EHD4: variants seen among roughly 807,000 people sequenced by gnomAD.
The protein encoded by EHD4 is EH domain-containing protein 4.
EHD4 carries 37 observed loss-of-function variants against 51.0 expected under a neutral mutation model. The observed-to-expected ratio is 0.73, with a 90% confidence interval of 0.56 to 0.95. The LOEUF is 0.95. Among genes scored for constraint, EHD4 ranks in the 40% least tolerant of loss-of-function variants. The pLI is 0.00. For missense variants in EHD4, 632 were observed against 733.1 expected, an observed-to-expected ratio of 0.86 and a Z score of 1.59; for synonymous variants, 297 against 317.3, an observed-to-expected ratio of 0.94 and a Z score of 0.68.
In EHD4 at chr15:41,972,341, CA is replaced by C. The variant is rs1441868683; in HGVS notation, c.153del (p.Ala52ArgfsTer12). ...TTCTCGAAGTCGGCGTCCTCCAGCG[CA>C]GGCGAGTGGAACTCGTGGAAGCGGT... Reference protein sequence around the residue: ...EAYRFHEFHSPALEDADFENK... With the variant: ...EAYRFHEFHSXALEDADFENK... On this transcript the variant is annotated frameshift_variant, in exon 1 of 6. Coordinates refer to ENST00000220325, the MANE Select transcript of EHD4 (RefSeq NM_139265.4). LOFTEE classifies it high-confidence loss of function. The C allele has an allele frequency of 6.2e-7, 1 of 1,611,482 alleles. No homozygotes were observed. Among genetic ancestry groups the C allele is most frequent in the Non-Finnish European group, 8.5e-7 (1 of 1,178,880 alleles).
At chr15:41,952,874 C>A (rs966831922) in intron 2 of EHD4, among the ~76,000 whole-genome samples, 18 of 151,798 alleles carry the variant, frequency 1.2e-4, no homozygotes, top group African/African-American at 4.4e-4. Flanking sequence ...CCTGTAATCC[C>A]AGCTACTTGG....
At chr15:41,960,670 A>ATTTTTT (rs577281838) in intron 1 of EHD4, among the ~76,000 whole-genome samples, 2 of 127,910 alleles carry the variant, frequency 1.6e-5, no homozygotes, top group African/African-American at 2.9e-5. Context: ...CTTCACTTAC[A>ATTTTTT]TTTTTTTTTT....
At chr15:41,912,045 A>C (rs899042932) in intron 4 of EHD4, among the ~76,000 whole-genome samples, 10 of 151,988 alleles carry the variant, frequency 6.6e-5, no homozygotes, top group Non-Finnish European at 5.9e-5. Context: ...CCCTTCACCC[A>C]CTGAGTGTCA....
At chr15:41,909,411 C>T (rs1464991227) in intron 5 of EHD4, among the ~76,000 whole-genome samples, 3 of 152,232 alleles carry the variant, frequency 2.0e-5, no homozygotes, top group Non-Finnish European at 4.4e-5. Flanking sequence ...ATTCCAATGT[C>T]ACCGCAACAT....
At chr15:41,966,342 A>C (rs1363747155) in intron 1 of EHD4, among the ~76,000 whole-genome samples, 1 of 151,962 alleles carries the variant, frequency 6.6e-6, no homozygotes, top group Non-Finnish European at 1.5e-5. Flanking sequence ...GACACTACTG[A>C]CCACCACCTC....
At chr15:41,907,824 C>CTGTGTGTGTGTGTG (rs10522331) in intron 5 of EHD4, among the ~76,000 whole-genome samples, 49 of 132,112 alleles carry the variant, frequency 3.7e-4, no homozygotes, top group East Asian at 8.5e-4. Context: ...CGCCCAGGCT[C>CTGTGTGTGTGTGTG]TGTGTGTGTG....
chr15:41,914,288 G>A (rs913808778), intron 4 of EHD4, among the ~76,000 whole-genome samples: 2 of 152,164 alleles, frequency 1.3e-5, no homozygotes, highest in African/African-American at 2.4e-5. Context: ...GGAGACCTGC[G>A]GCTGGAAGCC....
chr15:41,907,047 G>C (rs768011245), intron 5 of EHD4, among the ~76,000 whole-genome samples: 1 of 152,152 alleles, frequency 6.6e-6, no homozygotes, highest in Non-Finnish European at 1.5e-5. Context: ...GCCCAGGCTA[G>C]CTTTGTCATG....
intron 4 of EHD4, among the ~76,000 whole-genome samples, chr15:41,915,475 G>A (rs2067577795): frequency 6.6e-6 from 1 of 152,184 alleles, no homozygotes; most frequent in African/African-American, 2.4e-5. Context: ...AGTGAACCTT[G>A]AAAATCACTG....
Position 41,900,691 on chromosome 15 carries a change from T to TG in EHD4, c.1579dup (p.His527ProfsTer58), listed in dbSNP as rs758354312. On this transcript the variant is annotated frameshift_variant, in exon 6 of 6. Transcript: ENST00000220325. LOFTEE classifies it high-confidence loss of function. The surrounding 1 kb of genome is among the most constrained non-coding windows in gnomAD (Gnocchi z 4.8). Reference sequence around the variant, plus strand: ...CTTCCTGTGCGAGGGGGGCACGAGGTGGGGGGGCAGGCTGCTGGGCAGCTC... The same window carrying TG: ...CTTCCTGTGCGAGGGGGGCACGAGGTGGGGGGGGCAGGCTGCTGGGCAGCTC... The TG allele has an allele frequency of 1.1e-5, 17 of 1,603,094 alleles. No homozygotes were observed. The highest frequency in any genetic ancestry group is 2.2e-5 in the South Asian group (2 of 90,926).
chr15:41,928,464 C>T (rs1054436522), intron 3 of EHD4: 11 of 152,174 alleles, frequency 7.2e-5, no homozygotes, highest in South Asian at 2.1e-4. Flanking sequence ...TGCTTTCACC[C>T]GCTGCGCTGC....
rs909781941 is a variant in EHD4 at position 41,919,302 on chromosome 15, C to T, written c.832G>A (p.Ala278Thr). 15 of 1,614,082 alleles carry T rather than the reference C, an allele frequency of 9.3e-6. No homozygotes were observed. The highest frequency in any genetic ancestry group is 1.1e-5 in the Non-Finnish European group (13 of 1,180,052). Residue 278 changes from alanine (A) to threonine (T), a missense_variant, in exon 4 of 6, where the codon GCC becomes ACC. By Grantham distance (58) the Ala-to-Thr change is moderately conservative. Transcript: ENST00000220325. ...TGGATGTCTCTAAAGAGGTCCTGGG[C>T]CTCAGCCTCGAAGAGCCGGCGGTTG... is the stretch of plus-strand genomic sequence containing the variant. ...TDNRRLFEAE[A>T]QDLFRDIQSL...
chr15:41,915,085 GACACAC>G (rs10552371), intron 4 of EHD4, among the ~76,000 whole-genome samples: 11,211 of 149,612 alleles, frequency 0.075, 543 homozygotes, highest in East Asian at 0.23. Flanking sequence ...CAGTCTTGGA[GACACAC>G]ACACACACAC....
chr15:41,949,406 A>G (rs2141002763), intron 2 of EHD4, among the ~76,000 whole-genome samples: 1 of 152,166 alleles, frequency 6.6e-6, no homozygotes, highest in East Asian at 1.9e-4. Flanking sequence ...TCAAAACTCA[A>G]AAGCTAAACT....
At chr15:41,945,965 A>G (rs2067809581) in intron 2 of EHD4, among the ~76,000 whole-genome samples, 1 of 152,166 alleles carries the variant, frequency 6.6e-6, no homozygotes, top group Non-Finnish European at 1.5e-5. Flanking sequence ...CTCCTTTATA[A>G]GCAGAGGTTC....
intron 4 of EHD4, 41 bp downstream of exon 4, chr15:41,919,169 T>A: frequency 6.2e-7 from 1 of 1,609,324 alleles, no homozygotes; most frequent in Non-Finnish European, 8.5e-7. Flanking sequence ...GACAGCAGAG[T>A]CCCAGCCCCT....
intron 4 of EHD4, among the ~76,000 whole-genome samples, chr15:41,912,148 C>T (rs761813066): frequency 1.8e-4 from 27 of 152,206 alleles, no homozygotes; most frequent in Non-Finnish European, 3.1e-4. Context: ...AAACCTGGGG[C>T]TGATCTTGTG....
At chr15:41,959,896 G>A (rs1042581183) in intron 1 of EHD4, among the ~76,000 whole-genome samples, 6 of 151,738 alleles carry the variant, frequency 4.0e-5, no homozygotes, top group Non-Finnish European at 7.4e-5. Flanking sequence ...CTTGAACCTG[G>A]GAGGCGGAGG....
chr15:41,904,049 C>T (rs893030274), intron 5 of EHD4, among the ~76,000 whole-genome samples: 24 of 152,186 alleles, frequency 1.6e-4, no homozygotes, highest in African/African-American at 5.8e-4. Flanking sequence ...AGGCGTCCCC[C>T]ACAAAAATCC....
Sources: gnomAD v4.1 joint callset for allele counts (sites outside exome capture counted in the v4.1 genomes callset) on GRCh38, gnomAD v4.1.1 for gene constraint, Gnocchi (gnomAD v3.1) non-coding constraint, MANE v1.5 for transcripts, NCBI Gene and HGNC (gene_info 2026-07-23, HGNC 2026-07-21) for gene names.